The following UST variants were observed in gnomAD, a reference collection of about 807,000 sequenced individuals.
UST encodes the protein uronyl 2-sulfotransferase, also known as chondroitin sulfate 2-O-sulfotransferase.
Under a neutral mutation model 45.6 loss-of-function variants are expected in UST, and 21 were observed. That is an observed-to-expected ratio of 0.46 (90% CI 0.33 to 0.66). The LOEUF is 0.66. UST is among the 30% of genes least tolerant of loss of function. UST has a pLI of 0.02. For missense variants in UST, 463 were observed against 512.4 expected (o/e 0.90, Z 0.93); for synonymous variants, 215 against 200.6 (o/e 1.07, Z -0.61).
At chr6:148,920,404 G>C (rs1372349156) in intron 2 of UST, among the ~76,000 whole-genome samples, 2 of 152,102 alleles carry the variant, frequency 1.3e-5, no homozygotes, top group African/African-American at 4.8e-5. Context: ...TGGCCAATGT[G>C]GTCTCTCTGG....
chr6:149,005,913 A>G (rs901116017), intron 5 of UST, among the ~76,000 whole-genome samples: 4 of 152,150 alleles, frequency 2.6e-5, no homozygotes, highest in African/African-American at 9.7e-5. Context: ...GGACAGCGGC[A>G]GATTTGAAGA....
At chr6:148,902,671 G>T (rs1779283757) in intron 2 of UST, among the ~76,000 whole-genome samples, 1 of 152,048 alleles carries the variant, frequency 6.6e-6, no homozygotes, top group Admixed American at 6.5e-5. Context: ...GAGCCACCTT[G>T]CCTGTTTCTT....
intron 1 of UST, among the ~76,000 whole-genome samples, chr6:148,801,610 T>A (rs1187098571): frequency 6.6e-6 from 1 of 152,136 alleles, no homozygotes; most frequent in Non-Finnish European, 1.5e-5. Context: ...CCACTCCACT[T>A]TTTGCAGCCA....
intron 1 of UST, among the ~76,000 whole-genome samples, chr6:148,812,223 T>C (rs1240049815): frequency 6.6e-6 from 1 of 152,186 alleles, no homozygotes; most frequent in Non-Finnish European, 1.5e-5. Flanking sequence ...CTCTGTTTTT[T>C]CAAGCCATTT....
At chr6:149,073,163 G>T (rs1776842545) in intron 7 of UST, among the ~76,000 whole-genome samples, 1 of 152,128 alleles carries the variant, frequency 6.6e-6, no homozygotes, top group Admixed American at 6.5e-5. Flanking sequence ...ATTATATTTA[G>T]ACTGGGTGCA....
rs755048718 is a variant in UST, at chr6:149,074,012, C to T, written c.1117C>T (p.Leu373=). 1.2e-6 allele frequency: 2 copies of T among 1,614,218 alleles called. No homozygotes were observed. Among genetic ancestry groups the T allele is most frequent in the Non-Finnish European group, 1.7e-6 (2 of 1,180,036 alleles). ...TAAGTCTCACGTCAGCAAGCCCCCCCTGAGGCCACACTTCTTTATCCCAAC... is the reference window on the plus strand; with the variant it reads ...TAAGTCTCACGTCAGCAAGCCCCCCTTGAGGCCACACTTCTTTATCCCAAC... ...GLKSHVSKPP[L]RPHFFIPTPL... Residue 373 remains leucine, a synonymous_variant, in exon 8 of 8, where the codon CTG becomes TTG. Coordinates refer to ENST00000367463, the MANE Select transcript of UST (RefSeq NM_005715.3).
At chr6:148,935,946 G>A (rs559010616) in intron 2 of UST, among the ~76,000 whole-genome samples, 3 of 152,216 alleles carry the variant, frequency 2.0e-5, no homozygotes, top group Admixed American at 6.5e-5. Context: ...TGTGATCGCC[G>A]ACTGTTGAAA....
chr6:149,035,941 A>C (rs1776234290), intron 7 of UST, among the ~76,000 whole-genome samples: 1 of 152,128 alleles, frequency 6.6e-6, no homozygotes. Flanking sequence ...CCCACGGAAA[A>C]ATTATCCAAA....
intron 2 of UST, among the ~76,000 whole-genome samples, chr6:148,911,007 GC>G (rs1408777272): frequency 1.3e-5 from 2 of 152,106 alleles, no homozygotes; most frequent in African/African-American, 4.8e-5. Context: ...AGTTCACTAG[GC>G]CTGGTCTTGG....
chr6:148,812,215 CTG>C (rs1341248707), intron 1 of UST, among the ~76,000 whole-genome samples: 1 of 152,166 alleles, frequency 6.6e-6, no homozygotes, highest in South Asian at 2.1e-4. Flanking sequence ...TATCTGCACT[CTG>C]TTTTTTCAAG....
At chr6:148,851,158 C>T (rs1030358115) in intron 1 of UST, among the ~76,000 whole-genome samples, 5 of 152,168 alleles carry the variant, frequency 3.3e-5, no homozygotes, top group African/African-American at 1.2e-4. Context: ...TGCTCCTGGA[C>T]ATTTTGAGCA....
At chr6:148,795,996 G>GT (rs1193327893) in intron 1 of UST, among the ~76,000 whole-genome samples, 6 of 152,188 alleles carry the variant, frequency 3.9e-5, no homozygotes, top group Admixed American at 1.3e-4. Context: ...TAGGCCTAAA[G>GT]TAACTGTGGT....
At chr6:148,898,633 C>T (rs1108107) in intron 2 of UST, among the ~76,000 whole-genome samples, 110,136 of 152,168 alleles carry the variant, frequency 0.72, 40,672 homozygotes, top group Non-Finnish European at 0.79. Context: ...CCAAGAAGAA[C>T]ATAATGAATT....
At chr6:148,761,490 T>G (rs1285648526) in intron 1 of UST, among the ~76,000 whole-genome samples, 1 of 151,514 alleles carries the variant, frequency 6.6e-6, no homozygotes, top group African/African-American at 2.4e-5. Flanking sequence ...AATTTCATTC[T>G]GCTTTAGTGT....
intron 1 of UST, among the ~76,000 whole-genome samples, chr6:148,834,020 G>T (rs1005163547): frequency 4.6e-5 from 7 of 152,142 alleles, no homozygotes; most frequent in African/African-American, 1.4e-4. Context: ...ATAAATTGAT[G>T]CTGTTATTGA....
intron 2 of UST, among the ~76,000 whole-genome samples, chr6:148,920,531 G>A (rs2114894518): frequency 6.6e-6 from 1 of 152,186 alleles, no homozygotes; most frequent in South Asian, 2.1e-4. Context: ...TTCTTTGTTT[G>A]CTTTTATTTG....
intron 2 of UST, among the ~76,000 whole-genome samples, chr6:148,932,964 C>T (rs182544344): frequency 6.6e-6 from 1 of 152,232 alleles, no homozygotes; most frequent in Admixed American, 6.5e-5. Context: ...GGTTCAGTGC[C>T]CTCATTCTAT....
chr6:148,897,692 TG>T (rs1222288567), intron 2 of UST, among the ~76,000 whole-genome samples: 1 of 152,010 alleles, frequency 6.6e-6, no homozygotes, highest in East Asian at 1.9e-4. Context: ...GGTCTCACTC[TG>T]TTGCCCAGGC....
chr6:149,043,679 C>T (rs539194724), intron 7 of UST, among the ~76,000 whole-genome samples: 169 of 152,356 alleles, frequency 1.1e-3, no homozygotes, highest in Non-Finnish European at 1.9e-3. Context: ...AGAACTGGCC[C>T]GAGGCCCTGA....
Sources: gnomAD v4.1 joint callset for allele counts (sites outside exome capture counted in the v4.1 genomes callset) on GRCh38, gnomAD v4.1.1 for gene constraint, MANE v1.5 for transcripts, NCBI Gene and HGNC (gene_info 2026-07-23, HGNC 2026-07-21) for gene names.